NUDT11: variants seen among roughly 807,000 people sequenced by gnomAD.
NUDT11 encodes nudix hydrolase 11.
NUDT11 carries 1 observed loss-of-function variant against 10.0 expected under a neutral mutation model. That is an observed-to-expected ratio of 0.10 (90% CI 0.04 to 0.47). The LOEUF (loss-of-function observed/expected upper bound fraction) is 0.47, where lower values mean the gene tolerates loss of function less well. Ranked by LOEUF, NUDT11 falls within the 20% of genes least tolerant of loss-of-function variation. The probability of loss-of-function intolerance (pLI) is 0.96; values close to 1 mark genes in which losing one functional copy is unlikely to be tolerated. For missense variants in NUDT11, 47 were observed against 140.4 expected (o/e 0.33, Z 3.36); for synonymous variants, 63 against 65.9 (o/e 0.96, Z 0.21).
chrX:51,493,566 C>T (rs1925638287), intron 1 of NUDT11, among the ~76,000 whole-genome samples: 2 of 111,549 alleles, frequency 1.8e-5, no homozygotes, highest in Non-Finnish European at 1.9e-5. Context: ...TTTTTCAAAA[C>T]ATTTTCTGTA....
rs1235415581 is a variant in NUDT11 at position 51,490,325 on chromosome X, G to GT, written c.*1423dup. On this transcript the variant is annotated 3_prime_UTR_variant, in exon 2 of 2. Coordinates refer to ENST00000375992, the MANE Select transcript of NUDT11 (RefSeq NM_018159.4). Reference sequence around the variant, plus strand: ...AAGTTATATTTTTATTTCAAATTATGTAACAACTGGGGACACAATCAATAC... The same window carrying GT: ...AAGTTATATTTTTATTTCAAATTATGTTAACAACTGGGGACACAATCAATAC... 1.8e-5 allele frequency: 2 copies of GT among 111,968 alleles called. No individual in the cohort carries two copies. Among genetic ancestry groups the GT allele is most frequent in the African/African-American group, 3.2e-5 (1 of 30,812 alleles). 9.2% of individuals were successfully genotyped at this position (111,968 alleles called of 1,213,427 possible). A position where few individuals can be genotyped will look rare whatever the true frequency, so the allele number is the denominator to read the frequency against.
chrX:51,491,744 G>T lies in NUDT11; in HGVS notation c.*5C>A, dbSNP rs782553195. 1.8e-6 allele frequency: 1 copy of T among 570,820 alleles called. No individual in the cohort carries two copies. Among genetic ancestry groups the T allele is most frequent in the South Asian group, 2.2e-5 (1 of 44,953 alleles). 47.0% of individuals were successfully genotyped at this position (570,820 alleles called of 1,213,427 possible). A position where few individuals can be genotyped will look rare whatever the true frequency, so the allele number is the denominator to read the frequency against. ...CAGCACAATACTGAACATCTTTGCT[G>T]TTCATCTGGAAAAACAAACCAACAC... On this transcript the variant is annotated 3_prime_UTR_variant, in exon 2 of 2. Coordinates refer to ENST00000375992, the MANE Select transcript of NUDT11 (RefSeq NM_018159.4).
chrX:51,496,007 G>A lies in NUDT11; in HGVS notation c.438C>T (p.Gly146=), dbSNP rs782239043. Residue 146 remains glycine (G), a synonymous_variant, in exon 1 of 2, where the codon GGC becomes GGT. Transcript: ENST00000375992. ...TGGAGTTTCCATTGGTTGGGGAACC[G>A]CCCAGCTTTAGTTTCTCCAGATATT... ...HAEYLEKLKL[G]GSPTNGNSMA... 1 of 1,207,270 alleles carries A rather than the reference G, an allele frequency of 8.3e-7. No homozygotes were observed. Among genetic ancestry groups the A allele is most frequent in the East Asian group, 3.0e-5 (1 of 33,715 alleles).
rs1194758195 is a variant in NUDT11, at chrX:51,490,819, T to C, written c.*930A>G. The C allele has an allele frequency of 8.9e-6, 1 of 111,810 alleles. No homozygotes were observed. Among genetic ancestry groups the C allele is most frequent in the African/African-American group, 3.3e-5 (1 of 30,687 alleles). The allele number at this position is 111,810 out of a possible 1,213,427, so 9.2% of individuals were successfully genotyped here. A position where few individuals can be genotyped will look rare whatever the true frequency, so the allele number is the denominator to read the frequency against. ...AGAAATCTAGACAAACTAAATGGCA[T>C]AATTAAGTTTGGAAACTGCCTATGA... On this transcript the variant is annotated 3_prime_UTR_variant, in exon 2 of 2. Transcript: ENST00000375992.
Position 51,496,114 on chromosome X carries a change from C to G in NUDT11, c.331G>C (p.Val111Leu). ...TELLEDWEDS[V>L]SIGRKREWFK... ...CACTCTCGCTTCCTCCCAATGCTAA[C>G]CGAATCTTCCCAATCCTCCAGCAGC... The change falls in exon 1 of 2, where the codon GTT (valine) becomes CTT (leucine). Residue 111 changes from valine to leucine, a missense_variant. By Grantham distance (32) the Val-to-Leu change is conservative (BLOSUM62 1). Transcript: ENST00000375992. 8.3e-7 allele frequency: 1 copy of G among 1,211,677 alleles called. No homozygotes were observed. The highest frequency in any genetic ancestry group is 3.0e-5 in the East Asian group (1 of 33,832).
At chrX:51,493,053 C>G (rs1925628682) in intron 1 of NUDT11, among the ~76,000 whole-genome samples, 1 of 112,391 alleles carries the variant, frequency 8.9e-6, no homozygotes, top group Non-Finnish European at 1.9e-5. Flanking sequence ...AGTTTCTTCC[C>G]TTTAGTTTGT....
chrX:51,492,369 C>CT lies in NUDT11; in HGVS notation c.*-621dup, dbSNP rs782535873. ...GTTTCTATCACATCATGCGCTCACT[C>CT]TTTTTTTTTTTTTTTGAGACGTAGT... On this transcript the variant is annotated intron_variant, in intron 1 of 1. Transcript: ENST00000375992. 4.9e-3 allele frequency among the ~76,000 whole-genome samples: 497 copies of CT among 101,157 alleles called. 4 individuals carry two copies. The highest frequency in any genetic ancestry group is 0.012 in the African/African-American group (333 of 28,039). The allele number at this position is 101,157 out of a possible 115,157, so 87.8% of individuals were successfully genotyped here.
chrX:51,495,738 T>C (rs1196159080), intron 1 of NUDT11, among the ~76,000 whole-genome samples: 1 of 111,623 alleles, frequency 9.0e-6, no homozygotes, highest in Non-Finnish European at 1.9e-5. Context: ...AGAAGCGATT[T>C]TGAAAGCATC....
rs1308951885 is a variant in NUDT11 at position 51,490,242 on chromosome X, T to C, written c.*1507A>G. ...AGTATACTTCTCTAAAAGATAATCA[T>C]TTTTTAAAACAACATAACCACAGTA... On this transcript the variant is annotated 3_prime_UTR_variant, in exon 2 of 2. Transcript: ENST00000375992. The C allele has an allele frequency of 9.0e-6, 1 of 111,425 alleles. No homozygotes were observed. Among genetic ancestry groups the C allele is most frequent in the East Asian group, 2.8e-4 (1 of 3,539 alleles). 9.2% of individuals were successfully genotyped at this position (111,425 alleles called of 1,213,427 possible). A position where few individuals can be genotyped will look rare whatever the true frequency, so the allele number is the denominator to read the frequency against.
chrX:51,491,541 T>G lies in NUDT11; in HGVS notation c.*208A>C. 2.5e-6 allele frequency: 1 copy of G among 401,865 alleles called. No homozygotes were observed. The highest frequency in any genetic ancestry group is 5.0e-5 in the South Asian group (1 of 19,808). The allele number at this position is 401,865 out of a possible 1,213,427, so 33.1% of individuals were successfully genotyped here. On this transcript the variant is annotated 3_prime_UTR_variant, in exon 2 of 2. Coordinates refer to ENST00000375992, the MANE Select transcript of NUDT11 (RefSeq NM_018159.4). The stretch of plus-strand genomic sequence containing the variant: ...CAACAAAAGGCTATAGGTGCTGAAT[T>G]AAGAGTCTATTCACGTATAAGAGTA...
chrX:51,493,089 TTG>T (rs1256942548), intron 1 of NUDT11, among the ~76,000 whole-genome samples: 1 of 112,664 alleles, frequency 8.9e-6, no homozygotes, highest in Admixed American at 9.4e-5. Flanking sequence ...TCAACAGATT[TTG>T]TATCTAAACA....
chrX:51,494,623 A>G (rs1925662014), intron 1 of NUDT11, among the ~76,000 whole-genome samples: 1 of 111,187 alleles, frequency 9.0e-6, no homozygotes, highest in East Asian at 2.8e-4. Context: ...GGGCAGCAAA[A>G]AAAAAAAACA....
Position 51,496,373 on chromosome X carries a change from G to C in NUDT11, c.72C>G (p.Cys24Trp). 8.3e-7 allele frequency: 1 copy of C among 1,209,727 alleles called. No individual in the cohort carries two copies. Among genetic ancestry groups the C allele is most frequent in the Non-Finnish European group, 1.1e-6 (1 of 894,734 alleles). ...EGFKKRAACL[C>W]FRSEREDEVL... ...CCTCGTCCTCGCGTTCGCTCCGGAAGCACAGGCACGCCGCCCGCTTCTTGA... is the reference window on the plus strand; with the variant it reads ...CCTCGTCCTCGCGTTCGCTCCGGAACCACAGGCACGCCGCCCGCTTCTTGA... The change falls in exon 1 of 2, where the codon TGC (cysteine) becomes TGG (tryptophan). Residue 24 changes from cysteine to tryptophan, a missense_variant. Physicochemically the swap from Cys to Trp is radical, Grantham distance 215. Transcript: ENST00000375992.
chrX:51,494,953 A>C (rs1557326504), intron 1 of NUDT11, among the ~76,000 whole-genome samples: 1 of 111,822 alleles, frequency 8.9e-6, no homozygotes, highest in East Asian at 2.8e-4. Context: ...ATGTCACTAC[A>C]TTCAAATATG....
At chrX:51,495,076 T>C (rs1557326516) in intron 1 of NUDT11, among the ~76,000 whole-genome samples, 1 of 111,983 alleles carries the variant, frequency 8.9e-6, no homozygotes, top group African/African-American at 3.3e-5. Context: ...TCAAATTCTG[T>C]GAATACGGTT....
chrX:51,491,980 T>C (rs971964567), intron 1 of NUDT11, among the ~76,000 whole-genome samples: 1 of 112,135 alleles, frequency 8.9e-6, no homozygotes, highest in East Asian at 2.8e-4. Flanking sequence ...ATCAGAAGTT[T>C]TGTAAAAGAG....
chrX:51,494,631 A>C (rs1448245164), intron 1 of NUDT11, among the ~76,000 whole-genome samples: 6 of 109,329 alleles, frequency 5.5e-5, no homozygotes, highest in Non-Finnish European at 1.1e-4. Context: ...AAAAAAAAAA[A>C]CAGCAGAGAC....
rs1164454783 is a variant in NUDT11 at position 51,491,550 on chromosome X, AT to A, written c.*198del. 2.4e-6 allele frequency: 1 copy of A among 414,482 alleles called. No homozygotes were observed. Among genetic ancestry groups the A allele is most frequent in the Non-Finnish European group, 4.2e-6 (1 of 238,141 alleles). The allele number at this position is 414,482 out of a possible 1,213,427, so 34.2% of individuals were successfully genotyped here. On this transcript the variant is annotated 3_prime_UTR_variant, in exon 2 of 2. Coordinates refer to ENST00000375992, the MANE Select transcript of NUDT11 (RefSeq NM_018159.4). ...GCTATAGGTGCTGAATTAAGAGTCT[AT>A]TCACGTATAAGAGTACAACAACCAG... is the stretch of plus-strand genomic sequence containing the variant.
chrX:51,495,929 C>T (rs370056061), intron 1 of NUDT11, 22 bp downstream of exon 1: 279 of 1,205,748 alleles, frequency 2.3e-4, no homozygotes, highest in African/African-American at 8.9e-4. Flanking sequence ...TAGAAGTCTG[C>T]GCGAGCGCAA....
Sources: gnomAD v4.1 joint callset for allele counts (sites outside exome capture counted in the v4.1 genomes callset) on GRCh38, gnomAD v4.1.1 for gene constraint, MANE v1.5 for transcripts, NCBI Gene and HGNC (gene_info 2026-07-23, HGNC 2026-07-21) for gene names.